Variants in VPS13B observed in about 807,000 individuals in gnomAD.
The protein encoded by VPS13B is vacuolar protein sorting 13 homolog B, also known as intermembrane lipid transfer protein VPS13B.
A neutral mutation model predicts 426.4 loss-of-function variants in VPS13B; 285 were observed. The ratio of observed to expected loss-of-function variants is 0.67; its 90% CI spans 0.61 to 0.74. The LOEUF (loss-of-function observed/expected upper bound fraction) is 0.74. Among genes scored for constraint, VPS13B ranks in the 30% least tolerant of loss-of-function variants. The pLI is 0.00. For synonymous variants in VPS13B, 1,676 were observed against 1,676.4 expected (o/e 1.00, Z 0.01); for missense variants, 4,537 against 4,782.6 (o/e 0.95, Z 1.51).
At chr8:99,186,277 T>C (rs1391239452) in intron 16 of VPS13B, among the ~76,000 whole-genome samples, 1 of 152,098 alleles carries the variant, frequency 6.6e-6, no homozygotes, top group East Asian at 1.9e-4. Flanking sequence ...ATTGAACTAT[T>C]TTGTTTTAAG....
At chr8:99,159,644 T>A (rs764211709) in intron 15 of VPS13B, among the ~76,000 whole-genome samples, 4 of 152,144 alleles carry the variant, frequency 2.6e-5, no homozygotes, top group Non-Finnish European at 5.9e-5. Flanking sequence ...GTCATTAGCA[T>A]TTTTTAGCAA....
At chr8:99,689,709 T>C (rs1256090791) in intron 35 of VPS13B, among the ~76,000 whole-genome samples, 6 of 152,204 alleles carry the variant, frequency 3.9e-5, no homozygotes, top group Non-Finnish European at 8.8e-5. Context: ...AGTTTTTTTC[T>C]GTGTCCCTGG....
intron 15 of VPS13B, among the ~76,000 whole-genome samples, chr8:99,161,174 T>C (rs1811629389): frequency 1.3e-5 from 2 of 152,120 alleles, no homozygotes; most frequent in Non-Finnish European, 2.9e-5. Context: ...TACTTAAGCT[T>C]TATTTATTGT....
At chr8:99,577,212 GAA>G (rs1186472439) in intron 32 of VPS13B, among the ~76,000 whole-genome samples, 1 of 152,128 alleles carries the variant, frequency 6.6e-6, no homozygotes, top group African/African-American at 2.4e-5. Flanking sequence ...TGGAGTTATG[GAA>G]AAGTCAAATA....
chr8:99,494,085 TTACTG>T (rs1261837799), intron 25 of VPS13B, among the ~76,000 whole-genome samples: 5 of 152,128 alleles, frequency 3.3e-5, no homozygotes, highest in Admixed American at 1.3e-4. Context: ...TGTGTTTTTG[TTACTG>T]TACAATCATG....
intron 17 of VPS13B, among the ~76,000 whole-genome samples, chr8:99,222,740 G>A (rs1319955668): frequency 2.0e-5 from 3 of 152,146 alleles, no homozygotes; most frequent in African/African-American, 7.2e-5. Context: ...ATTTTTTCAT[G>A]AGGCAAATAG....
chr8:99,713,996 CG>C (rs1832808530), intron 36 of VPS13B, among the ~76,000 whole-genome samples: 1 of 151,862 alleles, frequency 6.6e-6, no homozygotes, highest in South Asian at 2.1e-4. Context: ...AAAAATTATC[CG>C]GGCATGTTGG....
intron 16 of VPS13B, among the ~76,000 whole-genome samples, chr8:99,174,552 A>T (rs1016774077): frequency 6.6e-6 from 1 of 152,194 alleles, no homozygotes; most frequent in African/African-American, 2.4e-5. Flanking sequence ...TTTCCTAATG[A>T]TTAGGAATGT....
intron 58 of VPS13B, among the ~76,000 whole-genome samples, chr8:99,863,850 T>G (rs1816962016): frequency 6.6e-6 from 1 of 152,140 alleles, no homozygotes; most frequent in Admixed American, 6.5e-5. Flanking sequence ...AGAAGATTAT[T>G]AATTCTTGGG....
At chr8:99,595,157 T>C (rs942109625) in intron 33 of VPS13B, among the ~76,000 whole-genome samples, 1 of 151,916 alleles carries the variant, frequency 6.6e-6, no homozygotes, top group Admixed American at 6.6e-5. Context: ...GTGCCCTATA[T>C]TTTTTTGAAC....
In VPS13B at chr8:99,876,846, G is replaced by A. The variant is rs1486421714; in HGVS notation, c.*1180G>A. 6.6e-6 allele frequency: 1 copy of A among 152,012 alleles called. No individual in the cohort carries two copies. Among genetic ancestry groups the A allele is most frequent in the Admixed American group, 6.6e-5 (1 of 15,252 alleles). 9.4% of individuals were successfully genotyped at this position (152,012 alleles called of 1,614,324 possible). A position where few individuals can be genotyped will look rare whatever the true frequency, so the allele number is the denominator to read the frequency against. ...ATACTAAGAGAATGCAATTTTAAAT[G>A]CCCACTGGTTTTATTTGTTTTGGAG... On this transcript the variant is annotated 3_prime_UTR_variant, in exon 62 of 62. Transcript: ENST00000357162.
intron 61 of VPS13B, among the ~76,000 whole-genome samples, chr8:99,872,552 C>G (rs1817480788): frequency 6.6e-6 from 1 of 152,220 alleles, no homozygotes; most frequent in Non-Finnish European, 1.5e-5. Context: ...TAGCCCAGCC[C>G]AGGGTAAAAA....
chr8:99,475,207 A>G (rs1347997269), intron 24 of VPS13B, among the ~76,000 whole-genome samples: 2 of 152,192 alleles, frequency 1.3e-5, no homozygotes, highest in Non-Finnish European at 2.9e-5. Flanking sequence ...GAACAGCGAG[A>G]GAGAATAAAG....
At position 99,503,040 on chromosome 8, in the gene VPS13B, A is replaced by G. The variant is rs1363929290; in HGVS notation, c.4157+90A>G. The G allele has an allele frequency of 3.2e-6, 3 of 951,856 alleles. No homozygotes were observed. In the African/African-American group the frequency reaches 4.9e-5, roughly 15 times the overall value. The allele number at this position is 951,856 out of a possible 1,614,324, so 59.0% of individuals were successfully genotyped here. On this transcript the variant is annotated intron_variant, in intron 27 of 61. Transcript: ENST00000357162. ...TTTTTCTATTTTAATTTGGCTGGTT[A>G]TTAAAATAAATACTATACAGGCATA...
At chr8:99,563,844 A>G (rs535088522) in intron 31 of VPS13B, among the ~76,000 whole-genome samples, 1 of 152,390 alleles carries the variant, frequency 6.6e-6, no homozygotes, top group East Asian at 1.9e-4. Flanking sequence ...ATTCATTCAA[A>G]TAAAAACAGA....
At chr8:99,786,227 A>C (rs1588710153) in intron 43 of VPS13B, among the ~76,000 whole-genome samples, 1 of 152,180 alleles carries the variant, frequency 6.6e-6, no homozygotes, top group Non-Finnish European at 1.5e-5. Flanking sequence ...TTTCATTTTC[A>C]TACTCATTTG....
intron 20 of VPS13B, among the ~76,000 whole-genome samples, chr8:99,390,480 A>G (rs747562493): frequency 3.3e-5 from 5 of 152,172 alleles, no homozygotes; most frequent in Non-Finnish European, 5.9e-5. Flanking sequence ...GTTTCAGAAC[A>G]TGATTGATTT....
chr8:99,594,084 GA>G (rs930880093), intron 33 of VPS13B, among the ~76,000 whole-genome samples: 3 of 149,732 alleles, frequency 2.0e-5, no homozygotes, highest in Non-Finnish European at 4.5e-5. Context: ...AACGTTAAAG[GA>G]AAAAAAAATG....
chr8:99,270,542 G>A (rs972796301), intron 17 of VPS13B, among the ~76,000 whole-genome samples: 4 of 152,080 alleles, frequency 2.6e-5, no homozygotes, highest in Admixed American at 1.3e-4. Context: ...TCAAGGTAGA[G>A]TATTAAGTTT....
Sources: gnomAD v4.1 joint callset for allele counts (sites outside exome capture counted in the v4.1 genomes callset) on GRCh38, gnomAD v4.1.1 for gene constraint, MANE v1.5 for transcripts, NCBI Gene and HGNC (gene_info 2026-07-23, HGNC 2026-07-21) for gene names.